LTBP3: variants seen among roughly 807,000 people sequenced by gnomAD.
LTBP3 encodes latent transforming growth factor beta binding protein 3.
LTBP3 carries 97 observed loss-of-function variants against 159.7 expected under a neutral mutation model. That is an observed-to-expected ratio of 0.61 (90% CI 0.52 to 0.72). The LOEUF is 0.72. Ranked by LOEUF, LTBP3 falls within the 30% of genes least tolerant of loss-of-function variation. LTBP3 has a pLI of 0.00. For missense variants in LTBP3, 1,584 were observed against 1,864.3 expected (o/e 0.85, Z 2.77); for synonymous variants, 824 against 777.1 (o/e 1.06, Z -1.00).
chr11:65,544,803 T>G (rs1856296132), intron 16 of LTBP3: 2 of 153,120 alleles, frequency 1.3e-5, no homozygotes, highest in Admixed American at 1.3e-4. Context: ...GAGATGTCCC[T>G]TCCGCTGGCT....
At position 65,541,641 on chromosome 11, in the gene LTBP3, T is replaced by C; in HGVS notation, c.2684A>G (p.Asp895Gly). The C allele has an allele frequency of 6.2e-7, 1 of 1,614,104 alleles. No homozygotes were observed. Among genetic ancestry groups the C allele is most frequent in the Non-Finnish European group, 8.5e-7 (1 of 1,179,992 alleles). ...NLQGSYVCVCDEGFTPTQDQH... is the reference protein window; with the variant it reads ...NLQGSYVCVCGEGFTPTQDQH... ...GTCCTGGGTGGGAGTGAAGCCCTCA[T>C]CGCAGACACACACATAGGAGCCCTG... Residue 895 changes from aspartate (D) to glycine (G), a missense_variant, in exon 19 of 28, where the codon GAT becomes GGT. By Grantham distance (94) the Asp-to-Gly change is moderately conservative. Around this residue, in one of 6 missense-constraint regions of LTBP3, gnomAD observed 565 missense variants for 677.7 expected, o/e 0.83. Coordinates refer to ENST00000301873, the MANE Select transcript of LTBP3 (RefSeq NM_001130144.3).
rs909928405 is a variant in LTBP3, at chr11:65,547,881, C to A, written c.1846+39G>T. 3 of 1,613,254 alleles carry A rather than the reference C, an allele frequency of 1.9e-6. No individual in the cohort carries two copies. The highest frequency in any genetic ancestry group is 1.3e-5 in the African/African-American group (1 of 74,900). ...GAAGCGTCGTTATCTGGGGTCCCCCCCCACCCACCTGCATGCCCGCCGCCT... is the reference window on the plus strand; with the variant it reads ...GAAGCGTCGTTATCTGGGGTCCCCCACCACCCACCTGCATGCCCGCCGCCT... On this transcript the variant is annotated intron_variant, in intron 12 of 27. Coordinates refer to ENST00000301873, the MANE Select transcript of LTBP3 (RefSeq NM_001130144.3). This position sits in a 1 kb window ranked among gnomAD's most constrained non-coding sequence, Gnocchi z 4.6.
chr11:65,553,106 A>C lies in LTBP3; in HGVS notation c.1063+58T>G, dbSNP rs1165240602. The C allele has an allele frequency of 6.2e-7, 1 of 1,604,052 alleles. No individual in the cohort carries two copies. Among genetic ancestry groups the C allele is most frequent in the African/African-American group, 1.3e-5 (1 of 74,362 alleles). On this transcript the variant is annotated intron_variant, in intron 5 of 27. Coordinates refer to ENST00000301873, the MANE Select transcript of LTBP3 (RefSeq NM_001130144.3). The surrounding 1 kb of genome is among the most constrained non-coding windows in gnomAD (Gnocchi z 6.5). ...TCTCGCCCACCTTGGGACCCTCCCC[A>C]CCCCCAGTGATGGCTGGCCTGCCCC... is the stretch of plus-strand genomic sequence containing the variant.
chr11:65,546,712 C>T lies in LTBP3; in HGVS notation c.2230+86G>A, dbSNP rs937530231. 74 of 1,529,822 alleles carry T rather than the reference C, an allele frequency of 4.8e-5. No homozygotes were observed. Among genetic ancestry groups the T allele is most frequent in the Non-Finnish European group, 6.3e-5 (72 of 1,139,332 alleles). The allele number at this position is 1,529,822 out of a possible 1,614,324, so 94.8% of individuals were successfully genotyped here. On this transcript the variant is annotated intron_variant, in intron 15 of 27. Coordinates refer to ENST00000301873, the MANE Select transcript of LTBP3 (RefSeq NM_001130144.3). This position sits in a 1 kb window ranked among gnomAD's most constrained non-coding sequence, Gnocchi z 4.0. ...CCCCGCCCCCAGACGCCAATCACCA[C>T]CGCTACCCCGCCCCGCCCCCAGCGG...
chr11:65,558,167 G>C lies in LTBP3; in HGVS notation c.-208C>G. 2.8e-6 allele frequency: 3 copies of C among 1,069,730 alleles called. No individual in the cohort carries two copies. The highest frequency in any genetic ancestry group is 3.4e-6 in the Non-Finnish European group (3 of 883,212). The allele number at this position is 1,069,730 out of a possible 1,614,324, so 66.3% of individuals were successfully genotyped here. ...CAGCGGGGAGCGCAGAAACTTCCCA[G>C]CCCCAGGACGAAGCCCAGACCAGGC... On this transcript the variant is annotated 5_prime_UTR_variant, in exon 1 of 28. Coordinates refer to ENST00000301873, the MANE Select transcript of LTBP3 (RefSeq NM_001130144.3).
rs1338357643 is a variant in LTBP3 at position 65,554,405 on chromosome 11, C to T, written c.332-25G>A. ...ACTGGGGAGAAGAGTGGGGTCAGGC[C>T]CTCACCCACATCCTGTCTCTTTCCC... is the stretch of plus-strand genomic sequence containing the variant. On this transcript the variant is annotated intron_variant, in intron 1 of 27. Transcript: ENST00000301873. This position sits in a 1 kb window ranked among gnomAD's most constrained non-coding sequence, Gnocchi z 5.3. 2.3e-5 allele frequency: 37 copies of T among 1,579,124 alleles called. No homozygotes were observed. In the Admixed American group the frequency reaches 6.4e-4, roughly 27 times the overall value.
rs1394408225 is a variant in LTBP3 at position 65,547,337 on chromosome 11, C to G, written c.2107+102G>C. 7.4e-7 allele frequency: 1 copy of G among 1,348,750 alleles called. No individual in the cohort carries two copies. Among genetic ancestry groups the G allele is most frequent in the Non-Finnish European group, 1.0e-6 (1 of 993,054 alleles). The allele number at this position is 1,348,750 out of a possible 1,614,324, so 83.5% of individuals were successfully genotyped here. ...CCAGCCTGGGCGACAGAGTGAGACT[C>G]CGTCTCGGGGGAAAAAAAAAAAAAT... is the stretch of plus-strand genomic sequence containing the variant. On this transcript the variant is annotated intron_variant, in intron 14 of 27. Transcript: ENST00000301873. The surrounding 1 kb of genome is among the most constrained non-coding windows in gnomAD (Gnocchi z 4.6).
intron 16 of LTBP3, 122 bp from the exon 17 acceptor site, chr11:65,543,671 A>G: frequency 7.7e-7 from 1 of 1,297,318 alleles, no homozygotes; most frequent in Non-Finnish European, 1.1e-6. Flanking sequence ...TCAGAAGCAC[A>G]GGCCTCACCC....
At position 65,539,422 on chromosome 11, in the gene LTBP3, G is replaced by A; in HGVS notation, c.3666C>T (p.Arg1222=). The A allele has an allele frequency of 6.4e-7, 1 of 1,552,612 alleles. No individual in the cohort carries two copies. Among genetic ancestry groups the A allele is most frequent in the Non-Finnish European group, 8.7e-7 (1 of 1,147,826 alleles). Residue 1222 remains arginine (R), a synonymous_variant, in exon 27 of 28, where the codon CGC becomes CGT. Coordinates refer to ENST00000301873, the MANE Select transcript of LTBP3 (RefSeq NM_001130144.3). The part of the protein sequence containing the change: ...DSSEEDSDEC[R]CVSGRCVPRP... ...GCGGCACGCAGCGGCCACTCACGCA[G>A]CGACACTCGTCTGAATCCTCCTCTG... is the stretch of plus-strand genomic sequence containing the variant.
chr11:65,556,452 C>G (rs1856815922), intron 1 of LTBP3, among the ~76,000 whole-genome samples: 1 of 152,168 alleles, frequency 6.6e-6, no homozygotes, highest in African/African-American at 2.4e-5. Flanking sequence ...CACTTGAACC[C>G]AGAAGGGGGA....
rs764795869 is a variant in LTBP3, at chr11:65,547,933, G to A, written c.1833C>T (p.His611=). The change falls in exon 12 of 28, where the codon CAC becomes CAT. Residue 611 remains histidine (H), a synonymous_variant. Transcript: ENST00000301873. This position sits in a 1 kb window ranked among gnomAD's most constrained non-coding sequence, Gnocchi z 4.6. ...CCCTGCGCTCACCCACGCAGTAGCG[G>A]TGCTGGGGATGTGACCGGTAGCCGG... ...CNPGYRSHPQ[H]RYCVDVNECE... The A allele has an allele frequency of 6.8e-6, 11 of 1,613,872 alleles. No homozygotes were observed. The highest frequency in any genetic ancestry group is 2.2e-5 in the South Asian group (2 of 91,086).
chr11:65,554,259 G>A lies in LTBP3; in HGVS notation c.453C>T (p.Thr151=), dbSNP rs757279409. 14 of 1,609,908 alleles carry A rather than the reference G, an allele frequency of 8.7e-6. No homozygotes were observed. In the Admixed American group the frequency reaches 1.0e-4, roughly 12 times the overall value. The change falls in exon 2 of 28, where the codon ACC becomes ACT. Residue 151 remains threonine, a synonymous_variant. Transcript: ENST00000301873. This position sits in a 1 kb window ranked among gnomAD's most constrained non-coding sequence, Gnocchi z 5.3. The part of the protein sequence containing the change: ...QVPAGGAGGG[T]GGSGPGLSRT... ...TGCTCAGGCCGGGGCCTGAGCCGCC[G>A]GTACCCCCACCGGCTCCTCCTGCGG...
chr11:65,541,884 G>C, intron 18 of LTBP3, 156 bp from the exon 19 acceptor site: 6 of 809,542 alleles, frequency 7.4e-6, no homozygotes, highest in Non-Finnish European at 1.2e-5. Flanking sequence ...GTCTGAATGT[G>C]CATGTGGACA....
At position 65,543,187 on chromosome 11, in the gene LTBP3, C is replaced by A. The variant is rs373120822; in HGVS notation, c.2514G>T (p.Gly838=). Residue 838 remains glycine (G), a synonymous_variant, in exon 18 of 28, where the codon GGG becomes GGT. Coordinates refer to ENST00000301873, the MANE Select transcript of LTBP3 (RefSeq NM_001130144.3). The stretch of plus-strand genomic sequence containing the variant: ...AGCCATTGGTATTGATGCAGTCACC[C>A]CCAATGCAGGCTGCAGGGAAGTCAC... ...DECDFPAACI[G]GDCINTNGSY... is the part of the protein sequence containing the mutation. The A allele has an allele frequency of 7.4e-6, 12 of 1,614,054 alleles. No homozygotes were observed. Among genetic ancestry groups the A allele is most frequent in the East Asian group, 4.5e-5 (2 of 44,886 alleles).
intron 24 of LTBP3, 65 bp downstream of exon 24, chr11:65,539,948 A>C (rs1167188400): frequency 6.8e-7 from 1 of 1,461,702 alleles, no homozygotes; most frequent in Non-Finnish European, 9.0e-7. Context: ...GCCCCACCCC[A>C]CCTGCGCGGG....
chr11:65,552,718 C>T lies in LTBP3; in HGVS notation c.1186+142G>A, dbSNP rs1450020792. On this transcript the variant is annotated intron_variant, in intron 6 of 27. Transcript: ENST00000301873. The surrounding 1 kb of genome is among the most constrained non-coding windows in gnomAD (Gnocchi z 6.0). Reference sequence around the variant, plus strand: ...GGCAGATCTCATGTGACCCCGGACCCTGCTGATCCCTGATCCTATTGGCTC... The same window carrying T: ...GGCAGATCTCATGTGACCCCGGACCTTGCTGATCCCTGATCCTATTGGCTC... The T allele has an allele frequency of 1.6e-6, 2 of 1,253,632 alleles. No individual in the cohort carries two copies. The highest frequency in any genetic ancestry group is 2.3e-6 in the Non-Finnish European group (2 of 868,666). The allele number at this position is 1,253,632 out of a possible 1,614,324, so 77.7% of individuals were successfully genotyped here.
At position 65,548,000 on chromosome 11, in the gene LTBP3, T is replaced by C. The variant is rs1856455199; in HGVS notation, c.1766A>G (p.Glu589Gly). The change falls in exon 12 of 28, where the codon GAG (glutamate) becomes GGG (glycine). Residue 589 changes from glutamate (E) to glycine (G), a missense_variant. Transcript: ENST00000301873. This position sits in a 1 kb window ranked among gnomAD's most constrained non-coding sequence, Gnocchi z 4.6. ...RLNQNICGHG[E>G]CVPGPPDYSC... is the part of the protein sequence containing the mutation. ...GTAGTCAGGGGGGCCCGGCACGCAC[T>C]CTCCGTGGCCACAGATGTTCTGGTT... is the stretch of plus-strand genomic sequence containing the variant. 1 of 1,613,668 alleles carries C rather than the reference T, an allele frequency of 6.2e-7. No homozygotes were observed. Among genetic ancestry groups the C allele is most frequent in the African/African-American group, 1.3e-5 (1 of 74,850 alleles).
chr11:65,541,283 C>T lies in LTBP3; in HGVS notation c.2736G>A (p.Gln912=), dbSNP rs1337096434. The T allele has an allele frequency of 2.1e-5, 34 of 1,611,440 alleles. No homozygotes were observed. Among genetic ancestry groups the T allele is most frequent in the Non-Finnish European group, 2.8e-5 (33 of 1,179,980 alleles). ...QDQHGCEEVE[Q]PHHKKECYLN... ...GGTAGCACTCCTTCTTGTGGTGGGG[C>T]TGCTCCACCTCTGAGGGGCAGACGG... Residue 912 remains glutamine, a synonymous_variant, in exon 20 of 28, where the codon CAG becomes CAA. Transcript: ENST00000301873.
chr11:65,552,328 C>G lies in LTBP3; in HGVS notation c.1265G>C (p.Arg422Pro), dbSNP rs143751614. The change falls in exon 7 of 28, where the codon CGC becomes CCC. Residue 422 changes from arginine to proline, a missense_variant. Arg to Pro is a moderately radical substitution (Grantham distance 103). This residue lies in a region of LTBP3 where 156 missense variants were observed against 259.7 expected (regional missense o/e 0.60). Transcript: ENST00000301873. This position sits in a 1 kb window ranked among gnomAD's most constrained non-coding sequence, Gnocchi z 6.0. ...GCAGCAGCAGAGCTGGCGGGTCAGG[C>G]GGGTGGTCAGTGGGTGCTGGCACTG... ...EHQCQHPLTT[R>P]LTRQLCCCSV... 6.2e-7 allele frequency: 1 copy of G among 1,614,060 alleles called. No individual in the cohort carries two copies.
Sources: allele counts gnomAD v4.1 joint callset (sites outside exome capture counted in the v4.1 genomes callset), GRCh38; gene constraint gnomAD v4.1.1; regional missense constraint gnomAD v4.1.1; non-coding constraint Gnocchi (gnomAD v3.1); transcripts MANE v1.5; gene names NCBI Gene and HGNC (gene_info 2026-07-23, HGNC 2026-07-21).